The following TNPO1 variants were observed in gnomAD, a reference collection of about 807,000 sequenced individuals.
TNPO1 encodes the protein transportin 1.
A neutral mutation model predicts 119.5 loss-of-function variants in TNPO1; 8 were observed. The ratio of observed to expected loss-of-function variants is 0.07; its 90% CI spans 0.04 to 0.12. The LOEUF (loss-of-function observed/expected upper bound fraction) is 0.12, where lower values mean the gene tolerates loss of function less well. Ranked by LOEUF, TNPO1 falls within the 10% of genes least tolerant of loss-of-function variation. The probability of loss-of-function intolerance (pLI) is 1.00; values close to 1 mark genes in which losing one functional copy is unlikely to be tolerated. For synonymous variants in TNPO1, 362 were observed against 363.0 expected (o/e 1.00, Z 0.03); for missense variants, 576 against 1,089.8 (o/e 0.53, Z 6.64).
intron 1 of TNPO1, 87 bp from the exon 2 acceptor site, chr5:72,848,298 G>C (rs1289495864): frequency 7.3e-7 from 1 of 1,372,290 alleles, no homozygotes; most frequent in East Asian, 2.9e-5. Flanking sequence ...CGGGGAGAAC[G>C]GGTCAGCTGC....
At position 72,909,641 on chromosome 5, in the gene TNPO1, T is replaced by A. The variant is rs937845809; in HGVS notation, c.*968T>A. 8 of 152,602 alleles carry A rather than the reference T, an allele frequency of 5.2e-5. No individual in the cohort carries two copies. Among genetic ancestry groups the A allele is most frequent in the African/African-American group, 1.9e-4 (8 of 41,460 alleles). The allele number at this position is 152,602 out of a possible 1,614,324, so 9.5% of individuals were successfully genotyped here. On this transcript the variant is annotated 3_prime_UTR_variant, in exon 25 of 25. Coordinates refer to ENST00000337273, the MANE Select transcript of TNPO1 (RefSeq NM_002270.4). ...AGTGAGATTGGTATTCATTTACCTATGTTGCGCCAGTTTGTGTTGCAGTTT... is the reference window on the plus strand; with the variant it reads ...AGTGAGATTGGTATTCATTTACCTAAGTTGCGCCAGTTTGTGTTGCAGTTT...
chr5:72,857,786 G>T (rs1351108271), intron 4 of TNPO1, among the ~76,000 whole-genome samples: 1 of 152,198 alleles, frequency 6.6e-6, no homozygotes, highest in African/African-American at 2.4e-5. Flanking sequence ...ACAATACTCT[G>T]TGTCTTTAAA....
chr5:72,865,876 C>G (rs1746850995), intron 6 of TNPO1, 147 bp downstream of exon 6: 4 of 871,054 alleles, frequency 4.6e-6, no homozygotes, highest in African/African-American at 1.7e-5. Flanking sequence ...TTGAAATTGA[C>G]TACTTCAGTA....
chr5:72,906,009 C>A (rs1194102818), intron 24 of TNPO1, among the ~76,000 whole-genome samples: 3 of 152,162 alleles, frequency 2.0e-5, no homozygotes, highest in Non-Finnish European at 4.4e-5. Context: ...ATAAAGAAAT[C>A]CACGTTGGTA....
chr5:72,897,491 T>TC (rs1358809117), intron 20 of TNPO1, among the ~76,000 whole-genome samples: 1 of 151,906 alleles, frequency 6.6e-6, no homozygotes, highest in African/African-American at 2.4e-5. Flanking sequence ...GGAAGTAATT[T>TC]TTTTTTTTAA....
intron 18 of TNPO1, 124 bp from the exon 19 acceptor site, chr5:72,896,334 A>G: frequency 9.6e-6 from 5 of 522,690 alleles, no homozygotes; most frequent in Non-Finnish European, 1.6e-5. Context: ...TGTTGCAGTA[A>G]TTTTTTTAAT....
chr5:72,886,024 T>C (rs894134426), intron 11 of TNPO1, among the ~76,000 whole-genome samples: 1 of 152,156 alleles, frequency 6.6e-6, no homozygotes, highest in Non-Finnish European at 1.5e-5. Flanking sequence ...CATTAACCCA[T>C]TTATGAGGGC....
intron 11 of TNPO1, among the ~76,000 whole-genome samples, chr5:72,884,327 TTATTA>T (rs1333121415): frequency 2.0e-5 from 3 of 152,188 alleles, no homozygotes; most frequent in Non-Finnish European, 4.4e-5. Flanking sequence ...TATTTTATCA[TTATTA>T]TATTCTTAAA....
At chr5:72,877,440 C>G (rs1747879106) in intron 9 of TNPO1, 94 bp downstream of exon 9, 3 of 667,866 alleles carry the variant, frequency 4.5e-6, no homozygotes, top group Non-Finnish European at 4.9e-6. Flanking sequence ...CTTTTGCCAT[C>G]AGGGAGTGAG....
At chr5:72,852,152 A>T (rs1745629915) in intron 3 of TNPO1, among the ~76,000 whole-genome samples, 2 of 152,200 alleles carry the variant, frequency 1.3e-5, no homozygotes, top group South Asian at 2.1e-4. Context: ...GTAACTTTTT[A>T]AAAAACTTCT....
intron 15 of TNPO1, among the ~76,000 whole-genome samples, chr5:72,892,680 CT>C (rs2112460165): frequency 6.6e-6 from 1 of 152,192 alleles, no homozygotes; most frequent in African/African-American, 2.4e-5. Flanking sequence ...TCCCAATATA[CT>C]TTAAATCATT....
In TNPO1 at chr5:72,913,216, A is replaced by T. The variant is rs1350286079; in HGVS notation, c.*4543A>T. 6.6e-6 allele frequency: 1 copy of T among 152,476 alleles called. No homozygotes were observed. The highest frequency in any genetic ancestry group is 1.5e-5 in the Non-Finnish European group (1 of 67,920). 9.4% of individuals were successfully genotyped at this position (152,476 alleles called of 1,614,324 possible). ...TGTATTAAATATGGAGATACTTCTAATGCCTCTCTAAAATTAAATTTTACA... is the reference window on the plus strand; with the variant it reads ...TGTATTAAATATGGAGATACTTCTATTGCCTCTCTAAAATTAAATTTTACA... On this transcript the variant is annotated 3_prime_UTR_variant, in exon 25 of 25. Coordinates refer to ENST00000337273, the MANE Select transcript of TNPO1 (RefSeq NM_002270.4).
intron 6 of TNPO1, among the ~76,000 whole-genome samples, chr5:72,868,517 C>A (rs1747127218): frequency 6.9e-6 from 1 of 144,582 alleles, no homozygotes; most frequent in Non-Finnish European, 1.5e-5. Flanking sequence ...AACATTCTGT[C>A]TTTTCCATTT....
At chr5:72,851,125 T>TA (rs952049147) in intron 2 of TNPO1, 119 bp from the exon 3 acceptor site, 6,779 of 575,564 alleles carry the variant, frequency 0.012, no homozygotes, top group East Asian at 0.014. Context: ...ATTCTTAGTT[T>TA]AAAAAAAAAA....
intron 1 of TNPO1, chr5:72,816,996 C>T: frequency 2.1e-6 from 1 of 486,774 alleles, no homozygotes; most frequent in Non-Finnish European, 3.6e-6. Flanking sequence ...GTCCGAGGAT[C>T]CCGTTAGGGG....
intron 20 of TNPO1, 78 bp from the exon 21 acceptor site, chr5:72,899,928 A>T: frequency 8.8e-7 from 1 of 1,138,422 alleles, no homozygotes; most frequent in South Asian, 1.4e-5. Context: ...TTTTTTCTTT[A>T]TTTTTTCTCC....
intron 3 of TNPO1, 69 bp from the exon 4 acceptor site, chr5:72,855,705 T>C (rs896799850): frequency 3.0e-6 from 4 of 1,342,042 alleles, no homozygotes; most frequent in Non-Finnish European, 4.1e-6. Context: ...TAAATGTTTT[T>C]AAAACTTATC....
intron 20 of TNPO1, 145 bp from the exon 21 acceptor site, chr5:72,899,861 C>G (rs538842305): frequency 3.2e-6 from 2 of 623,702 alleles, no homozygotes; most frequent in African/African-American, 3.7e-5. Context: ...CTGGTGAAAT[C>G]TTATGTTTAT....
At chr5:72,848,158 G>GGCGGCAGCAGCAGCAGCA (rs1745225338) in intron 1 of TNPO1, 1 of 1,205,390 alleles carries the variant, frequency 8.3e-7, no homozygotes, top group Middle Eastern at 3.0e-4. Context: ...CGGCGGCCGC[G>GGCGGCAGCAGCAGCAGCA]GCGGCAGCAG....
Sources: gnomAD v4.1 joint callset for allele counts (sites outside exome capture counted in the v4.1 genomes callset) on GRCh38, gnomAD v4.1.1 for gene constraint, MANE v1.5 for transcripts, NCBI Gene and HGNC (gene_info 2026-07-23, HGNC 2026-07-21) for gene names.